Variants in EVL observed in about 807,000 individuals in gnomAD.
EVL encodes the protein ena/VASP-like protein.
Under a neutral mutation model 59.6 loss-of-function variants are expected in EVL, and 21 were observed. The observed-to-expected ratio is 0.35, with a 90% CI of 0.25 to 0.51. The LOEUF (loss-of-function observed/expected upper bound fraction) is 0.51, where lower values mean the gene tolerates loss of function less well. Among genes scored for constraint, EVL ranks in the 20% least tolerant of loss-of-function variants. The pLI is 0.97. For missense variants in EVL, 462 were observed against 546.6 expected (o/e 0.85, Z 1.54); for synonymous variants, 198 against 203.5 (o/e 0.97, Z 0.23).
intron 1 of EVL, among the ~76,000 whole-genome samples, chr14:100,029,577 A>G (rs946204173): frequency 2.6e-5 from 4 of 152,204 alleles, no homozygotes; most frequent in African/African-American, 9.7e-5. Flanking sequence ...GATAGATTCC[A>G]TAGGGATACA....
At position 100,142,059 on chromosome 14, in the gene EVL, C is replaced by T. The variant is rs932582184; in HGVS notation, c.1219+266C>T. 1.1e-5 allele frequency: 4 copies of T among 358,844 alleles called. No homozygotes were observed. The Admixed American group carries it at 1.5e-4, about 14-fold the overall frequency. The allele number at this position is 358,844 out of a possible 1,614,324, so 22.2% of individuals were successfully genotyped here. On this transcript the variant is annotated intron_variant, in intron 13 of 13. Coordinates refer to ENST00000392920, the MANE Select transcript of EVL (RefSeq NM_016337.3). The stretch of plus-strand genomic sequence containing the variant: ...ATCCCCGGCACCTTCCTGGAAGACC[C>T]ACGTGGGAAGAGCATGGAGGGGAGA...
At chr14:100,141,915 G>A (rs1046561009) in intron 13 of EVL, 122 bp downstream of exon 13, 20 of 699,440 alleles carry the variant, frequency 2.9e-5, no homozygotes, top group Admixed American at 2.8e-4. Flanking sequence ...GGCCCTGTGA[G>A]AGATTTCATT....
upstream of EVL, among the ~76,000 whole-genome samples, chr14:100,062,353 C>T (rs1264008372): frequency 6.6e-6 from 1 of 151,452 alleles, no homozygotes; most frequent in Non-Finnish European, 1.5e-5. Context: ...TAACATTTTA[C>T]TGAAGTGGTA....
intron 3 of EVL, among the ~76,000 whole-genome samples, chr14:100,105,118 A>G (rs1387332770): frequency 6.6e-6 from 1 of 151,824 alleles, no homozygotes; most frequent in African/African-American, 2.4e-5. Context: ...TTGGCCCTGC[A>G]TGTTTACTCA....
chr14:99,976,540 G>C (rs537672602), intron 1 of EVL, among the ~76,000 whole-genome samples: 1 of 151,790 alleles, frequency 6.6e-6, no homozygotes, highest in Non-Finnish European at 1.5e-5. Flanking sequence ...TATGTGCCTA[G>C]TGTTTTTTTT....
Position 99,972,944 on chromosome 14 carries a change from C to G in EVL, c.5+887C>G, listed in dbSNP as rs1481664593. 6.6e-6 allele frequency among the ~76,000 whole-genome samples: 1 copy of G among 151,848 alleles called. No individual in the cohort carries two copies. Among genetic ancestry groups the G allele is most frequent in the Non-Finnish European group, 1.5e-5 (1 of 67,998 alleles). ...GTATTCTTTTGTGTCTGGTGTTTTT[C>G]AAGATGTTTTCGAGATCCATTCCGT... On this transcript the variant is annotated intron_variant, in intron 1 of 13. Transcript: ENST00000402714. This position sits in a 1 kb window ranked among gnomAD's most constrained non-coding sequence, Gnocchi z 4.4.
intron 1 of EVL, among the ~76,000 whole-genome samples, chr14:100,016,198 T>C (rs2061048599): frequency 6.6e-6 from 1 of 151,498 alleles, no homozygotes; most frequent in Non-Finnish European, 1.5e-5. Context: ...TGAGCCTGAG[T>C]TGTTGGCGAA....
At chr14:100,141,865 TG>T (rs1889190541) in intron 13 of EVL, 72 bp downstream of exon 13, 2 of 1,457,712 alleles carry the variant, frequency 1.4e-6, no homozygotes, top group Admixed American at 2.0e-5. Flanking sequence ...TCACCCAGGC[TG>T]GGGGCCTCCA....
At chr14:100,137,305 C>T in intron 9 of EVL, 1 of 518,550 alleles carries the variant, frequency 1.9e-6, no homozygotes, top group Non-Finnish European at 3.5e-6. Flanking sequence ...TGGCTCTAGT[C>T]ACTGGGTCCC....
intron 3 of EVL, among the ~76,000 whole-genome samples, chr14:100,121,868 A>T (rs1360041688): frequency 6.6e-6 from 1 of 152,226 alleles, no homozygotes; most frequent in Admixed American, 6.5e-5. Flanking sequence ...CCAAGCGTGG[A>T]AAGGCCTCCA....
chr14:100,019,513 T>C (rs969845374), intron 1 of EVL: 1 of 614,096 alleles, frequency 1.6e-6, no homozygotes, highest in African/African-American at 1.9e-5. Context: ...TGCAGGCCCC[T>C]GTCTGCAGAA....
At chr14:100,038,576 A>G (rs538868014) in intron 1 of EVL, among the ~76,000 whole-genome samples, 2 of 152,354 alleles carry the variant, frequency 1.3e-5, no homozygotes, top group South Asian at 4.1e-4. Flanking sequence ...CCTTTGTGCC[A>G]TTAAACTTCT....
In EVL at chr14:100,143,889, CAGTG is replaced by C. The variant is rs1889365503; in HGVS notation, c.*154_*157del. On this transcript the variant is annotated 3_prime_UTR_variant, in exon 14 of 14. Transcript: ENST00000392920. ...CGTCCTGACCTGTGATCACACATGACAGTGAGGAAACCAAGTGCAACTCCTGGGT... is the reference window on the plus strand; with the variant it reads ...CGTCCTGACCTGTGATCACACATGACAGGAAACCAAGTGCAACTCCTGGGT... 2 of 875,226 alleles carry C rather than the reference CAGTG, an allele frequency of 2.3e-6. No homozygotes were observed. The highest frequency in any genetic ancestry group is 5.5e-5 in the East Asian group (2 of 36,482). 54.2% of individuals were successfully genotyped at this position (875,226 alleles called of 1,614,324 possible).
chr14:100,030,463 C>T (rs775584141), intron 1 of EVL, among the ~76,000 whole-genome samples: 89 of 152,110 alleles, frequency 5.9e-4, no homozygotes, highest in Admixed American at 2.0e-4. Flanking sequence ...TTACTGTAAG[C>T]AGCAAAGCAT....
At chr14:100,101,592 G>A (rs557674439) in intron 3 of EVL, among the ~76,000 whole-genome samples, 2 of 152,280 alleles carry the variant, frequency 1.3e-5, no homozygotes, top group Non-Finnish European at 2.9e-5. Flanking sequence ...GCAGTAAGCC[G>A]AGATTGTACC....
At chr14:100,111,569 A>C (rs1886996951) in intron 3 of EVL, among the ~76,000 whole-genome samples, 1 of 152,130 alleles carries the variant, frequency 6.6e-6, no homozygotes, top group South Asian at 2.1e-4. Context: ...AGTGAATGCA[A>C]GTTGTTCCTG....
intron 1 of EVL, among the ~76,000 whole-genome samples, chr14:100,008,734 G>A (rs1045803921): frequency 6.6e-6 from 1 of 152,164 alleles, no homozygotes; most frequent in Non-Finnish European, 1.5e-5. Flanking sequence ...AAATCCCAGT[G>A]TGGCATTAGC....
intron 3 of EVL, among the ~76,000 whole-genome samples, chr14:100,104,554 C>T (rs1322922177): frequency 6.6e-6 from 1 of 152,224 alleles, no homozygotes; most frequent in Non-Finnish European, 1.5e-5. Flanking sequence ...GTGAGGGCCC[C>T]AGGGCAAAAG....
At chr14:99,980,507 G>A (rs1372690479) in intron 1 of EVL, among the ~76,000 whole-genome samples, 1 of 152,178 alleles carries the variant, frequency 6.6e-6, no homozygotes, top group African/African-American at 2.4e-5. Flanking sequence ...CGCTTCATCT[G>A]GGCCAAGGGC....
Sources: gnomAD v4.1 joint callset for allele counts (sites outside exome capture counted in the v4.1 genomes callset) on GRCh38, gnomAD v4.1.1 for gene constraint, Gnocchi (gnomAD v3.1) non-coding constraint, MANE v1.5 for transcripts, NCBI Gene and HGNC (gene_info 2026-07-23, HGNC 2026-07-21) for gene names.